Variants in DCHS2 observed in about 807,000 individuals in gnomAD.
The protein encoded by DCHS2 is dachsous cadherin-related 2, also known as protocadherin-23.
A neutral mutation model predicts 182.4 loss-of-function variants in DCHS2; 142 were observed. The observed-to-expected ratio is 0.78, with a 90% CI of 0.68 to 0.89. DCHS2 has a LOEUF of 0.89. Among genes scored for constraint, DCHS2 ranks in the 40% least tolerant of loss-of-function variants. The pLI, the probability that DCHS2 is intolerant of heterozygous loss-of-function variation, is 0.00. For missense variants in DCHS2, 4,319 were observed against 4,198.6 expected (o/e 1.03, Z -0.79); for synonymous variants, 1,740 against 1,663.3 (o/e 1.05, Z -1.12).
chr4:154,486,805 C>G (rs550144982), intron 1 of DCHS2, among the ~76,000 whole-genome samples: 2 of 152,252 alleles, frequency 1.3e-5, no homozygotes, highest in East Asian at 3.9e-4. Flanking sequence ...ACCAGAGAGC[C>G]CAGTGACTAA....
Position 154,409,843 on chromosome 4 carries a change from T to C in DCHS2, c.2053-32399A>G, listed in dbSNP as rs146795394. 2.0e-5 allele frequency among the ~76,000 whole-genome samples: 3 copies of C among 152,302 alleles called. No homozygotes were observed. The East Asian group carries it at 5.8e-4, about 29-fold the overall frequency. ...CACCTCTGAGGACCCTAACAACCTA[T>C]GCTCTTGCCACCACTGCCACAAACT... On this transcript the variant is annotated intron_variant, in intron 1 of 19. Coordinates refer to ENST00000357232, the MANE Select transcript of DCHS2 (RefSeq NM_001358235.2).
rs548080869 is a variant in DCHS2, at chr4:154,321,319, T to G, written c.4177-97A>C. On this transcript the variant is annotated intron_variant, in intron 8 of 19. Transcript: ENST00000357232. ...TTATTTTGAAAGCAAATTCCTTCCATGTATGTGATCATATGTTAATTAGTG... is the reference window on the plus strand; with the variant it reads ...TTATTTTGAAAGCAAATTCCTTCCAGGTATGTGATCATATGTTAATTAGTG... 5.1e-5 allele frequency: 65 copies of G among 1,273,574 alleles called. No homozygotes were observed. The African/African-American group carries it at 9.5e-4, about 19-fold the overall frequency. The allele number at this position is 1,273,574 out of a possible 1,614,324, so 78.9% of individuals were successfully genotyped here.
Position 154,413,330 on chromosome 4 carries a change from A to G in DCHS2, c.2053-35886T>C, listed in dbSNP as rs551763715. On this transcript the variant is annotated intron_variant, in intron 1 of 19. Coordinates refer to ENST00000357232, the MANE Select transcript of DCHS2 (RefSeq NM_001358235.2). ...TTCCTGTTCTCAAATGTTAAGAGTT[A>G]TGGTGTAGATGAACACCACTTTTTG... Among the ~76,000 whole-genome samples the G allele has an allele frequency of 5.3e-5, 8 of 152,340 alleles. No individual in the cohort carries two copies. In the South Asian group the frequency reaches 1.7e-3, roughly 32 times the overall value.
rs748486070 is a variant in DCHS2 at position 154,234,592 on chromosome 4, T to A, written c.10060A>T (p.Thr3354Ser). The change falls in exon 20 of 20, where the codon ACA becomes TCA. Residue 3354 changes from threonine (T) to serine (S), a missense_variant. Physicochemically the swap from Thr to Ser is moderately conservative, Grantham distance 58. Transcript: ENST00000357232. The part of the protein sequence containing the change: ...PLLREGELLG[T>S]HISGTCHELK... The stretch of plus-strand genomic sequence containing the variant: ...TCATGGCATGTACCACTGATGTGTG[T>A]TCCTAATAATTCTCCTTCTCTCAAC... The A allele has an allele frequency of 6.2e-6, 10 of 1,614,008 alleles. No homozygotes were observed. In the East Asian group the frequency reaches 2.0e-4, roughly 32 times the overall value.
intron 1 of DCHS2, among the ~76,000 whole-genome samples, chr4:154,404,640 G>T (rs80119203): frequency 1.3e-5 from 2 of 152,130 alleles, no homozygotes; most frequent in Non-Finnish European, 2.9e-5. Flanking sequence ...TAATTTATGT[G>T]TTTTATTCTT....
Position 154,332,714 on chromosome 4 carries a change from G to A in DCHS2, c.3494C>T (p.Pro1165Leu), listed in dbSNP as rs769497981. 1.2e-6 allele frequency: 2 copies of A among 1,614,206 alleles called. No individual in the cohort carries two copies. Among genetic ancestry groups the A allele is most frequent in the Non-Finnish European group, 1.7e-6 (2 of 1,180,032 alleles). ...CACATTTTGCAAGAATCCGTCCTCG[G>A]GGATCCAAGCAAACACTCTAAAATT... is the stretch of plus-strand genomic sequence containing the variant. ...TYNFRVFAWI[P>L]EDGFLQNVST... Residue 1165 changes from proline to leucine, a missense_variant, in exon 5 of 20, where the codon CCC (proline) becomes CTC (leucine). Transcript: ENST00000357232.
intron 14 of DCHS2, among the ~76,000 whole-genome samples, chr4:154,262,485 C>T (rs1206075955): frequency 6.6e-6 from 1 of 152,158 alleles, no homozygotes; most frequent in Admixed American, 6.5e-5. Context: ...AGAAGCCTCA[C>T]AAATACTAAC....
chr4:154,476,646 A>G (rs1009895043), intron 1 of DCHS2, among the ~76,000 whole-genome samples: 1 of 152,158 alleles, frequency 6.6e-6, no homozygotes, highest in Non-Finnish European at 1.5e-5. Flanking sequence ...TGTGCCAAGT[A>G]TTTTACTAAG....
intron 14 of DCHS2, among the ~76,000 whole-genome samples, chr4:154,260,043 C>T (rs1261945888): frequency 6.6e-6 from 1 of 152,064 alleles, no homozygotes; most frequent in Admixed American, 6.6e-5. Flanking sequence ...AGTCTGGTCT[C>T]GAACTCCTGA....
intron 1 of DCHS2, among the ~76,000 whole-genome samples, chr4:154,447,533 T>C (rs917025418): frequency 2.0e-5 from 3 of 152,090 alleles, no homozygotes; most frequent in African/African-American, 7.2e-5. Flanking sequence ...ATCTTTAGGG[T>C]TTTTGATATT....
In DCHS2 at chr4:154,316,016, T is replaced by A. The variant is rs72956078; in HGVS notation, c.5021-29A>T. The stretch of plus-strand genomic sequence containing the variant: ...TTTTGAAAATGGAAGAAAAGCAACA[T>A]GTAATGAATATTCTTTAGAGAAGTC... On this transcript the variant is annotated intron_variant, in intron 9 of 19. Transcript: ENST00000357232. The A allele has an allele frequency of 2.3e-4, 368 of 1,611,338 alleles. No individual in the cohort carries two copies. The African/African-American group carries it at 3.8e-3, about 17-fold the overall frequency.
At chr4:154,436,976 C>T (rs931806011) in intron 1 of DCHS2, among the ~76,000 whole-genome samples, 14 of 152,086 alleles carry the variant, frequency 9.2e-5, no homozygotes, top group Non-Finnish European at 1.3e-4. Context: ...CATCTGTTTC[C>T]TCTTCCTTCT....
intron 3 of DCHS2, among the ~76,000 whole-genome samples, chr4:154,345,215 G>A (rs1341975626): frequency 1.3e-5 from 2 of 152,208 alleles, no homozygotes. Flanking sequence ...GACGCCAAAT[G>A]TTTAGCTTAG....
chr4:154,259,886 A>C, intron 14 of DCHS2, 130 bp from the exon 15 acceptor site: 1 of 1,099,702 alleles, frequency 9.1e-7, no homozygotes, highest in East Asian at 2.7e-5. Flanking sequence ...GCAGTGGTGA[A>C]ATCTCGGCTC....
At chr4:154,415,685 G>A (rs1173658618) in intron 1 of DCHS2, among the ~76,000 whole-genome samples, 3 of 152,138 alleles carry the variant, frequency 2.0e-5, no homozygotes, top group Non-Finnish European at 4.4e-5. Context: ...GGTCCCGAGC[G>A]TCAGTAAGAT....
chr4:154,317,526 C>A (rs1340225039), intron 9 of DCHS2, among the ~76,000 whole-genome samples: 6 of 152,198 alleles, frequency 3.9e-5, no homozygotes, highest in African/African-American at 1.4e-4. Context: ...ACTTCCAAAT[C>A]CTCCACATTT....
At chr4:154,410,907 C>T (rs184553205) in intron 1 of DCHS2, among the ~76,000 whole-genome samples, 99 of 152,278 alleles carry the variant, frequency 6.5e-4, no homozygotes, top group African/African-American at 2.3e-3. Flanking sequence ...ATATAGGAAT[C>T]CCCACTAGAC....
rs535611182 is a variant in DCHS2 at position 154,235,195 on chromosome 4, C to T, written c.9457G>A (p.Val3153Met). Residue 3153 changes from valine to methionine, a missense_variant, in exon 20 of 20, where the codon GTG (valine) becomes ATG (methionine). Physicochemically the swap from Val to Met is conservative, Grantham distance 21. Coordinates refer to ENST00000357232, the MANE Select transcript of DCHS2 (RefSeq NM_001358235.2). ...CTGGCTTCTGCTGTTTCGGCAGTCACCATCACATCAGTTTCCCCAGATAGG... is the reference window on the plus strand; with the variant it reads ...CTGGCTTCTGCTGTTTCGGCAGTCATCATCACATCAGTTTCCCCAGATAGG... ...SCLSGETDVM[V>M]TAETAEASQT... 3 of 1,614,120 alleles carry T rather than the reference C, an allele frequency of 1.9e-6. No individual in the cohort carries two copies. The highest frequency in any genetic ancestry group is 2.2e-5 in the South Asian group (2 of 91,088).
rs567432685 is a variant in DCHS2 at position 154,323,872 on chromosome 4, C to G, written c.4019-1384G>C. ...TATCCCTCCCCCCAAAAAAAACCCA[C>G]CAAAAAAAAAAATCCAAAAGCTGAA... On this transcript the variant is annotated intron_variant, in intron 7 of 19. Coordinates refer to ENST00000357232, the MANE Select transcript of DCHS2 (RefSeq NM_001358235.2). 1.7e-4 allele frequency among the ~76,000 whole-genome samples: 23 copies of G among 137,390 alleles called. No homozygotes were observed. In the South Asian group the frequency reaches 5.8e-3, roughly 34 times the overall value. 90.1% of individuals were successfully genotyped at this position (137,390 alleles called of 152,430 possible). A position where few individuals can be genotyped will look rare whatever the true frequency, so the allele number is the denominator to read the frequency against.
Sources: allele counts gnomAD v4.1 joint callset (sites outside exome capture counted in the v4.1 genomes callset), GRCh38; gene constraint gnomAD v4.1.1; transcripts MANE v1.5; gene names NCBI Gene and HGNC (gene_info 2026-07-23, HGNC 2026-07-21).